Variants in ZNF217 observed in about 807,000 individuals in gnomAD.
The protein encoded by ZNF217 is zinc finger protein 217.
A neutral mutation model predicts 73.3 loss-of-function variants in ZNF217; 12 were observed. That is an observed-to-expected ratio of 0.16 (90% confidence interval 0.10 to 0.27). ZNF217 has a LOEUF of 0.27. ZNF217 is among the 10% of genes least tolerant of loss of function. The pLI is 1.00. For missense variants in ZNF217, 1,195 were observed against 1,327.8 expected (o/e 0.90, Z 1.55); for synonymous variants, 588 against 516.4 (o/e 1.14, Z -1.88).
At chr20:53,579,318 T>C (rs1988399640) in intron 2 of ZNF217, among the ~76,000 whole-genome samples, 1 of 152,082 alleles carries the variant, frequency 6.6e-6, no homozygotes, top group African/African-American at 2.4e-5. Flanking sequence ...TCACTGTAGA[T>C]CATATCACTA....
rs758296076 is a variant in ZNF217 at position 53,582,554 on chromosome 20, G to C, written c.273C>G (p.Thr91=). Residue 91 remains threonine, a synonymous_variant, in exon 2 of 6, where the codon ACC becomes ACG. Transcript: ENST00000371471. The surrounding 1 kb of genome is among the most constrained non-coding windows in gnomAD (Gnocchi z 4.8). The part of the protein sequence containing the change: ...NKHVLMQHRP[T]LCEPAVLRVE... ...CCCGAAGAACTGCTGGTTCACAGAG[G>C]GTAGGCCGGTGTTGCATTAAGACAT... 2.5e-6 allele frequency: 4 copies of C among 1,614,192 alleles called. No homozygotes were observed. In the East Asian group the frequency reaches 6.7e-5, roughly 27 times the overall value.
intron 1 of ZNF217, among the ~76,000 whole-genome samples, chr20:53,589,925 G>A (rs1988824060): frequency 7.0e-6 from 1 of 142,196 alleles, no homozygotes; most frequent in African/African-American, 2.7e-5. Flanking sequence ...CTGGAGAAGA[G>A]GTGTGCGGAT....
intron 4 of ZNF217, chr20:53,574,576 C>T (rs1477435041): frequency 1.3e-5 from 2 of 152,302 alleles, no homozygotes; most frequent in Non-Finnish European, 2.9e-5. Flanking sequence ...CAGTGCATCA[C>T]CTGAGGTCAG....
chr20:53,582,075 G>C lies in ZNF217; in HGVS notation c.752C>G (p.Thr251Arg), dbSNP rs762579755. The stretch of plus-strand genomic sequence containing the variant: ...CGGCATTCCTCCTTGTGGAGAGTCT[G>C]TCTGCGCGCTGCTGGTACCGAAAGC... ...KTAFGTSSAQ[T>R]DSPQGGMPSS... is the part of the protein sequence containing the mutation. The change falls in exon 2 of 6, where the codon ACA becomes AGA. Residue 251 changes from threonine (T) to arginine (R), a missense_variant. This residue lies in a region of ZNF217 where 126 missense variants were observed against 114.4 expected (regional missense o/e 1.10). Transcript: ENST00000371471. This position sits in a 1 kb window ranked among gnomAD's most constrained non-coding sequence, Gnocchi z 4.8. 1 of 1,614,220 alleles carries C rather than the reference G, an allele frequency of 6.2e-7. No homozygotes were observed. The highest frequency in any genetic ancestry group is 1.1e-5 in the South Asian group (1 of 91,084).
In ZNF217 at chr20:53,582,141, T is replaced by A. The variant is rs772938183; in HGVS notation, c.686A>T (p.Glu229Val). 3 of 1,614,210 alleles carry A rather than the reference T, an allele frequency of 1.9e-6. No individual in the cohort carries two copies. The highest frequency in any genetic ancestry group is 3.3e-5 in the Admixed American group (2 of 60,032). ...MVCGFLFPNK[E>V]SLIEHRKVHT... The stretch of plus-strand genomic sequence containing the variant: ...CACCTTGCGGTGCTCAATTAGACTT[T>A]CTTTATTTGGAAATAGGAAGCCACA... The change falls in exon 2 of 6, where the codon GAA becomes GTA. Residue 229 changes from glutamate to valine, a missense_variant. This residue lies in a region of ZNF217 where 126 missense variants were observed against 114.4 expected (regional missense o/e 1.10). Transcript: ENST00000371471. This position sits in a 1 kb window ranked among gnomAD's most constrained non-coding sequence, Gnocchi z 4.8.
At chr20:53,578,662 GT>G (rs1183530473) in intron 2 of ZNF217, among the ~76,000 whole-genome samples, 2 of 152,112 alleles carry the variant, frequency 1.3e-5, no homozygotes, top group African/African-American at 2.4e-5. Context: ...ATTTTGTTTT[GT>G]TTTTTTCTGG....
upstream of ZNF217, chr20:53,593,896 C>T (rs1235670790): frequency 1.3e-5 from 2 of 150,792 alleles, no homozygotes; most frequent in African/African-American, 4.9e-5. Context: ...GGGAGGGAGG[C>T]GTCGCGGAGT....
chr20:53,595,402 A>G (rs1208145285), upstream of ZNF217, among the ~76,000 whole-genome samples: 5 of 152,232 alleles, frequency 3.3e-5, no homozygotes, highest in Non-Finnish European at 5.9e-5. Flanking sequence ...TCTATTTCCT[A>G]AATCAAAAGA....
intron 1 of ZNF217, among the ~76,000 whole-genome samples, chr20:53,592,697 C>G (rs937504804): frequency 5.9e-5 from 9 of 152,198 alleles, no homozygotes; most frequent in African/African-American, 2.2e-4. Context: ...CCAAATCCAG[C>G]CTCCCGGGCC....
chr20:53,572,221 C>T (rs1988043182), intron 4 of ZNF217, among the ~76,000 whole-genome samples: 1 of 152,114 alleles, frequency 6.6e-6, no homozygotes, highest in African/African-American at 2.4e-5. Flanking sequence ...GCATAGGCAA[C>T]ATGGTGAGAC....
In ZNF217 at chr20:53,582,506, C is replaced by T. The variant is rs767630244; in HGVS notation, c.321G>A (p.Pro107=). 5.0e-5 allele frequency: 81 copies of T among 1,614,026 alleles called. No individual in the cohort carries two copies. The highest frequency in any genetic ancestry group is 6.2e-5 in the Non-Finnish European group (73 of 1,180,052). The change falls in exon 2 of 6, where the codon CCG becomes CCA. Residue 107 remains proline, a synonymous_variant. Transcript: ENST00000371471. This position sits in a 1 kb window ranked among gnomAD's most constrained non-coding sequence, Gnocchi z 4.8. ...VLRVEAEYLS[P]LDKSQVRTEP... is the part of the protein sequence containing the mutation. ...CTGTTCGCACTTGACTTTTATCAAG[C>T]GGACTGAGATACTCTGCTTCAACCC... is the stretch of plus-strand genomic sequence containing the variant.
At position 53,576,326 on chromosome 20, in the gene ZNF217, A is replaced by G. The variant is rs966014101; in HGVS notation, c.2438T>C (p.Leu813Ser). The stretch of plus-strand genomic sequence containing the variant: ...GTGGGACTTCAGGTTACTTGGGGCT[A>G]AAGTGCTAGAGTCTATCCCTGAAGT... ...PLTSGIDSST[L>S]APSNLKSHRP... Residue 813 changes from leucine (L) to serine (S), a missense_variant, in exon 4 of 6, where the codon TTA (leucine) becomes TCA (serine). Leu to Ser is a moderately radical substitution (Grantham distance 145). Coordinates refer to ENST00000371471, the MANE Select transcript of ZNF217 (RefSeq NM_006526.3). 4 of 1,614,074 alleles carry G rather than the reference A, an allele frequency of 2.5e-6. No homozygotes were observed. The East Asian group carries it at 6.7e-5, about 27-fold the overall frequency.
At chr20:53,596,835 T>C (rs1329738996), upstream of ZNF217, among the ~76,000 whole-genome samples, 1 of 151,802 alleles carries the variant, frequency 6.6e-6, no homozygotes, top group African/African-American at 2.4e-5. Context: ...GCTCTGCACA[T>C]GGTACTTGGA....
At chr20:53,571,694 G>A in intron 5 of ZNF217, 27 bp downstream of exon 5, 1 of 1,599,498 alleles carries the variant, frequency 6.3e-7, no homozygotes, top group Middle Eastern at 1.7e-4. Flanking sequence ...AGCCAATCCA[G>A]TGTTTTTAAT....
Position 53,582,962 on chromosome 20 carries a change from T to A in ZNF217, c.-136A>T, listed in dbSNP as rs1206912164. 4.3e-6 allele frequency: 4 copies of A among 919,666 alleles called. No individual in the cohort carries two copies. Among genetic ancestry groups the A allele is most frequent in the Non-Finnish European group, 6.4e-6 (4 of 622,882 alleles). 57.0% of individuals were successfully genotyped at this position (919,666 alleles called of 1,614,324 possible). A position where few individuals can be genotyped will look rare whatever the true frequency, so the allele number is the denominator to read the frequency against. ...TATTATAAAAGTTCAAAAGAAAGTG[T>A]ATAGTCCTCTAACTTCTTCGAACTT... On this transcript the variant is annotated 5_prime_UTR_variant, in exon 2 of 6. Transcript: ENST00000371471. This position sits in a 1 kb window ranked among gnomAD's most constrained non-coding sequence, Gnocchi z 4.8.
Position 53,589,852 on chromosome 20 carries a change from G to GT in ZNF217, c.-343+3903dup, listed in dbSNP as rs1490381959. 2.0e-5 allele frequency among the ~76,000 whole-genome samples: 3 copies of GT among 151,916 alleles called. No homozygotes were observed. The East Asian group carries it at 5.8e-4, about 29-fold the overall frequency. ...TTAAGAAATTTCCTGCCGTCTTTGT[G>GT]TAATACATTTTTTTTTTCTTCCATG... On this transcript the variant is annotated intron_variant, in intron 1 of 5. Coordinates refer to ENST00000371471, the MANE Select transcript of ZNF217 (RefSeq NM_006526.3).
At chr20:53,572,059 A>G (rs1434221547) in intron 4 of ZNF217, among the ~76,000 whole-genome samples, 8 of 152,238 alleles carry the variant, frequency 5.3e-5, no homozygotes, top group Admixed American at 2.0e-4. Context: ...TGTCACTAAC[A>G]TTAAAATTGT....
chr20:53,582,487 G>C lies in ZNF217; in HGVS notation c.340C>G (p.Arg114Gly), dbSNP rs555609716. 25 of 1,614,100 alleles carry C rather than the reference G, an allele frequency of 1.5e-5. No individual in the cohort carries two copies. In the South Asian group the frequency reaches 2.4e-4, roughly 16 times the overall value. The change falls in exon 2 of 6, where the codon CGA becomes GGA. Residue 114 changes from arginine to glycine, a missense_variant. Coordinates refer to ENST00000371471, the MANE Select transcript of ZNF217 (RefSeq NM_006526.3). The surrounding 1 kb of genome is among the most constrained non-coding windows in gnomAD (Gnocchi z 4.8). ...YLSPLDKSQV[R>G]TEPPKEKNCK... ...TTCTTTTCCTTGGGAGGTTCTGTTCGCACTTGACTTTTATCAAGCGGACTG... is the reference window on the plus strand; with the variant it reads ...TTCTTTTCCTTGGGAGGTTCTGTTCCCACTTGACTTTTATCAAGCGGACTG...
At chr20:53,595,046 C>CAAAAAAAAAAAAAAAAAA (rs55752265), upstream of ZNF217, among the ~76,000 whole-genome samples, 1 of 105,208 alleles carries the variant, frequency 9.5e-6, no homozygotes, top group African/African-American at 3.7e-5. Context: ...AAAAAAGGGA[C>CAAAAAAAAAAAAAAAAAA]AAAAAAAAAA....
Sources: allele counts gnomAD v4.1 joint callset (sites outside exome capture counted in the v4.1 genomes callset), GRCh38; gene constraint gnomAD v4.1.1; regional missense constraint gnomAD v4.1.1; non-coding constraint Gnocchi (gnomAD v3.1); transcripts MANE v1.5; gene names NCBI Gene and HGNC (gene_info 2026-07-23, HGNC 2026-07-21).